FOXM1: variants seen among roughly 807,000 people sequenced by gnomAD.
FOXM1 encodes the protein forkhead box protein M1.
FOXM1 carries 25 observed loss-of-function variants against 63.6 expected under a neutral mutation model. That is an observed-to-expected ratio of 0.39 (90% CI 0.29 to 0.55). The LOEUF (loss-of-function observed/expected upper bound fraction) is 0.55. FOXM1 is among the 20% of genes least tolerant of loss of function. FOXM1 has a pLI of 0.60. For synonymous variants in FOXM1, 387 were observed against 376.9 expected, an observed-to-expected ratio of 1.03 and a Z score of -0.31; for missense variants, 879 against 958.7, an observed-to-expected ratio of 0.92 and a Z score of 1.10.
At position 2,864,187 on chromosome 12, in the gene FOXM1, A is replaced by G. The variant is rs1396762540; in HGVS notation, c.1266+133T>C. 2 of 781,592 alleles carry G rather than the reference A, an allele frequency of 2.6e-6. No homozygotes were observed. The highest frequency in any genetic ancestry group is 1.7e-5 in the South Asian group (1 of 58,406). 48.4% of individuals were successfully genotyped at this position (781,592 alleles called of 1,614,324 possible). A position where few individuals can be genotyped will look rare whatever the true frequency, so the allele number is the denominator to read the frequency against. On this transcript the variant is annotated intron_variant, in intron 8 of 8. Transcript: ENST00000359843. The surrounding 1 kb of genome is among the most constrained non-coding windows in gnomAD (Gnocchi z 5.1). ...TCTTCTAATGCTATTACACTTCCCTATGTTTTTATGCCTTTTCTACCCAAC... is the reference window on the plus strand; with the variant it reads ...TCTTCTAATGCTATTACACTTCCCTGTGTTTTTATGCCTTTTCTACCCAAC...
Position 2,868,604 on chromosome 12 carries a change from G to T in FOXM1, c.805C>A (p.His269Asn). The T allele has an allele frequency of 6.2e-7, 1 of 1,613,592 alleles. No homozygotes were observed. The highest frequency in any genetic ancestry group is 8.5e-7 in the Non-Finnish European group (1 of 1,179,768). The change falls in exon 4 of 9, where the codon CAC (histidine) becomes AAC (asparagine). Residue 269 changes from histidine to asparagine, a missense_variant. This residue lies in a region of FOXM1 where 62 missense variants were observed against 118.2 expected (regional missense o/e 0.52). Coordinates refer to ENST00000359843, the MANE Select transcript of FOXM1 (RefSeq NM_021953.4). ...LKDIYTWIED[H>N]FPYFKHIAKP... ...GCAATGTGCTTAAAGTAGGGAAAGTGGTCCTCAATCCACGTATAGATGTCT... is the reference window on the plus strand; with the variant it reads ...GCAATGTGCTTAAAGTAGGGAAAGTTGTCCTCAATCCACGTATAGATGTCT...
intron 8 of FOXM1, among the ~76,000 whole-genome samples, chr12:2,860,941 G>T (rs1395004028): frequency 6.6e-6 from 1 of 151,702 alleles, no homozygotes; most frequent in Non-Finnish European, 1.5e-5. Flanking sequence ...GGCCGAGGTG[G>T]GTGGATCATG....
Position 2,871,821 on chromosome 12 carries a change from C to T in FOXM1, c.654+275G>A, listed in dbSNP as rs144708840. ...ATTCCCAAAATGAAGACCTCTTAAT[C>T]ATTTCCTGAATACCTACTAAGGACA... On this transcript the variant is annotated intron_variant, in intron 3 of 8. Coordinates refer to ENST00000359843, the MANE Select transcript of FOXM1 (RefSeq NM_021953.4). 4.8e-3 allele frequency among the ~76,000 whole-genome samples: 731 copies of T among 152,260 alleles called. 4 individuals carry two copies. Among genetic ancestry groups the T allele is most frequent in the African/African-American group, 0.017 (692 of 41,552 alleles).
intron 1 of FOXM1, among the ~76,000 whole-genome samples, chr12:2,875,946 A>G (rs973961206): frequency 1.5e-5 from 2 of 131,734 alleles, no homozygotes; most frequent in African/African-American, 6.0e-5. Context: ...TTTTTTTTTT[A>G]GTAGAAACAG....
chr12:2,865,673 A>G (rs1267113925), intron 5 of FOXM1, among the ~76,000 whole-genome samples: 2 of 105,942 alleles, frequency 1.9e-5, no homozygotes, highest in African/African-American at 7.1e-5. Flanking sequence ...TTTTTTTGAG[A>G]CAGACTTTCA....
At chr12:2,875,853 C>T (rs1176710166) in intron 1 of FOXM1, among the ~76,000 whole-genome samples, 8 of 151,466 alleles carry the variant, frequency 5.3e-5, no homozygotes, top group African/African-American at 1.9e-4. Context: ...CTCGGCCTCC[C>T]GGGTTCAAGC....
At position 2,874,489 on chromosome 12, in the gene FOXM1, C is replaced by A; in HGVS notation, c.-11G>T. ...GGGGCTAGTTTTCATTATGAATCTG[C>A]GTTTTCACTCTCCATTGAGAATCAC... On this transcript the variant is annotated 5_prime_UTR_variant, in exon 2 of 9. Transcript: ENST00000359843. This position sits in a 1 kb window ranked among gnomAD's most constrained non-coding sequence, Gnocchi z 4.3. 1.3e-6 allele frequency: 2 copies of A among 1,593,508 alleles called. No homozygotes were observed. The highest frequency in any genetic ancestry group is 1.7e-6 in the Non-Finnish European group (2 of 1,172,098).
intron 5 of FOXM1, among the ~76,000 whole-genome samples, chr12:2,865,861 C>CTACTAA (rs1442222334): frequency 6.6e-6 from 1 of 152,072 alleles, no homozygotes; most frequent in African/African-American, 2.4e-5. Context: ...CCATGTTGGT[C>CTACTAA]AGGCTGGTCT....
intron 3 of FOXM1, among the ~76,000 whole-genome samples, chr12:2,870,957 C>CAAAAAAAA (rs11310343): frequency 4.1e-4 from 16 of 39,114 alleles, no homozygotes; most frequent in Middle Eastern, 0.026. Context: ...GACTACGTCT[C>CAAAAAAAA]AAAAAAAAAA....
Position 2,874,004 on chromosome 12 carries a change from G to A in FOXM1, c.475C>T (p.Leu159Phe), listed in dbSNP as rs1382743736. Residue 159 changes from leucine to phenylalanine, a missense_variant, in exon 2 of 9, where the codon CTT becomes TTT. Coordinates refer to ENST00000359843, the MANE Select transcript of FOXM1 (RefSeq NM_021953.4). The surrounding 1 kb of genome is among the most constrained non-coding windows in gnomAD (Gnocchi z 4.3). ...DVNLPRPPGA[L>F]CEQKRETCAD... is the part of the protein sequence containing the mutation. ...CAGGTCTCCCGTTTCTGCTCGCAAA[G>A]GGCTCCAGGTGGTCTAGGAAGATTC... The A allele has an allele frequency of 2.5e-6, 4 of 1,613,228 alleles. No individual in the cohort carries two copies. The highest frequency in any genetic ancestry group is 3.4e-6 in the Non-Finnish European group (4 of 1,179,422).
At position 2,867,358 on chromosome 12, in the gene FOXM1, T is replaced by C. The variant is rs368030143; in HGVS notation, c.847-837A>G. 4.8e-3 allele frequency among the ~76,000 whole-genome samples: 728 copies of C among 151,878 alleles called. 7 individuals carry two copies. Among genetic ancestry groups the C allele is most frequent in the African/African-American group, 0.017 (697 of 41,394 alleles). On this transcript the variant is annotated intron_variant, in intron 4 of 8. Transcript: ENST00000359843. ...GTGGTGCACCTGTTATCCCAGCTAC[T>C]TGGGATGTTGAGGAGGGAAGAGCTT...
intron 3 of FOXM1, 109 bp downstream of exon 3, chr12:2,871,987 A>T: frequency 9.0e-7 from 1 of 1,112,798 alleles, no homozygotes; most frequent in African/African-American, 1.5e-5. Flanking sequence ...GTGGAGAGCT[A>T]ATACCAGAAC....
At chr12:2,860,127 A>G (rs1350115339) in intron 8 of FOXM1, among the ~76,000 whole-genome samples, 1 of 152,208 alleles carries the variant, frequency 6.6e-6, no homozygotes, top group Non-Finnish European at 1.5e-5. Flanking sequence ...CTTCTTAACC[A>G]AGACTGGAAA....
Position 2,872,165 on chromosome 12 carries a change from C to T in FOXM1, c.585G>A (p.Leu195=). 1.2e-6 allele frequency: 2 copies of T among 1,614,136 alleles called. No homozygotes were observed. Among genetic ancestry groups the T allele is most frequent in the Non-Finnish European group, 1.7e-6 (2 of 1,179,986 alleles). The change falls in exon 3 of 9, where the codon CTG becomes CTA. Residue 195 remains leucine, a synonymous_variant. Coordinates refer to ENST00000359843, the MANE Select transcript of FOXM1 (RefSeq NM_021953.4). The surrounding 1 kb of genome is among the most constrained non-coding windows in gnomAD (Gnocchi z 4.0). The stretch of plus-strand genomic sequence containing the variant: ...TCTCTTGCTTGATGCTGCGGGAGCC[C>T]AGTCCATCAGAACTCATCTTTCGAA... The part of the protein sequence containing the change: ...QWLRKMSSDG[L]GSRSIKQEME...
chr12:2,865,866 T>C (rs956383496), intron 5 of FOXM1, among the ~76,000 whole-genome samples: 3 of 152,082 alleles, frequency 2.0e-5, no homozygotes, highest in African/African-American at 7.2e-5. Flanking sequence ...TTGGTCAGGC[T>C]GGTCTCCAAC....
rs761715940 is a variant in FOXM1, at chr12:2,874,459, C to G, written c.20G>C (p.Arg7Pro). Residue 7 changes from arginine to proline, a missense_variant, in exon 2 of 9, where the codon CGG (arginine) becomes CCG (proline). Transcript: ENST00000359843. This position sits in a 1 kb window ranked among gnomAD's most constrained non-coding sequence, Gnocchi z 4.3. MKTSPR[R>P]PLILKRRRLP... ...CCTCCGTCTTTTGAGAATCAGTGGC[C>G]GACGGGGGCTAGTTTTCATTATGAA... The G allele has an allele frequency of 6.2e-7, 1 of 1,610,054 alleles. No homozygotes were observed.
At chr12:2,866,362 G>T (rs1430389599) in intron 5 of FOXM1, 31 bp downstream of exon 5, 1 of 1,417,194 alleles carries the variant, frequency 7.1e-7, no homozygotes, top group Non-Finnish European at 9.3e-7. Flanking sequence ...CTCCAACTTA[G>T]GCCCTATTTA....
Position 2,864,374 on chromosome 12 carries a change from G to A in FOXM1, c.1212C>T (p.Ser404=), listed in dbSNP as rs551020124. 1 of 1,614,074 alleles carries A rather than the reference G, an allele frequency of 6.2e-7. No homozygotes were observed. The highest frequency in any genetic ancestry group is 2.2e-5 in the East Asian group (1 of 44,864). The change falls in exon 8 of 9, where the codon TCC becomes TCT. Residue 404 remains serine (S), a synonymous_variant. Coordinates refer to ENST00000359843, the MANE Select transcript of FOXM1 (RefSeq NM_021953.4). This position sits in a 1 kb window ranked among gnomAD's most constrained non-coding sequence, Gnocchi z 5.1. ...SVKVPLPLAA[S]LMSSELARHS... Reference sequence around the variant, plus strand: ...GGCGGGCAAGCTCTGAGCTCATGAGGGAAGCCGCCAGGGGCAATGGCACCT... The same window carrying A: ...GGCGGGCAAGCTCTGAGCTCATGAGAGAAGCCGCCAGGGGCAATGGCACCT...
chr12:2,870,182 G>A (rs2098130527), intron 3 of FOXM1, among the ~76,000 whole-genome samples: 1 of 150,884 alleles, frequency 6.6e-6, no homozygotes, highest in Non-Finnish European at 1.5e-5. Context: ...TAGAGGCGGG[G>A]TCAGGCTGGT....
Sources: allele counts gnomAD v4.1 joint callset (sites outside exome capture counted in the v4.1 genomes callset), GRCh38; gene constraint gnomAD v4.1.1; regional missense constraint gnomAD v4.1.1; non-coding constraint Gnocchi (gnomAD v3.1); transcripts MANE v1.5; gene names NCBI Gene and HGNC (gene_info 2026-07-23, HGNC 2026-07-21).